The following NMT1 variants were observed in gnomAD, a reference collection of about 807,000 sequenced individuals.
NMT1 encodes the protein N-myristoyltransferase 1, also known as glycylpeptide N-tetradecanoyltransferase 1.
Under a neutral mutation model 63.4 loss-of-function variants are expected in NMT1, and 12 were observed. The ratio of observed to expected loss-of-function variants is 0.19; its 90% confidence interval spans 0.12 to 0.31. NMT1 has a LOEUF of 0.31. Among genes scored for constraint, NMT1 ranks in the 10% least tolerant of loss-of-function variants. The probability of loss-of-function intolerance (pLI) is 1.00; values close to 1 mark genes in which losing one functional copy is unlikely to be tolerated. For synonymous variants in NMT1, 228 were observed against 234.3 expected (o/e 0.97, Z 0.25); for missense variants, 432 against 634.6 (o/e 0.68, Z 3.43).
At chr17:45,073,811 C>T (rs1340074870) in intron 1 of NMT1, among the ~76,000 whole-genome samples, 1 of 152,202 alleles carries the variant, frequency 6.6e-6, no homozygotes, top group East Asian at 1.9e-4. Flanking sequence ...ACCAATTTGC[C>T]TCACATCTCT....
In NMT1 at chr17:45,105,858, C is replaced by T; in HGVS notation, c.*219C>T. The T allele has an allele frequency of 1.1e-5, 6 of 543,428 alleles. No homozygotes were observed. The highest frequency in any genetic ancestry group is 1.9e-5 in the Non-Finnish European group (6 of 311,160). The allele number at this position is 543,428 out of a possible 1,614,324, so 33.7% of individuals were successfully genotyped here. A position where few individuals can be genotyped will look rare whatever the true frequency, so the allele number is the denominator to read the frequency against. On this transcript the variant is annotated 3_prime_UTR_variant, in exon 12 of 12. Coordinates refer to ENST00000258960, the MANE Select transcript of NMT1 (RefSeq NM_021079.5). This position sits in a 1 kb window ranked among gnomAD's most constrained non-coding sequence, Gnocchi z 4.2. ...GTCGTGTCTCTGGTCTCCGTGTTTT[C>T]CAGTTAATTACATCCTCATGCAGCC...
intron 1 of NMT1, among the ~76,000 whole-genome samples, chr17:45,069,879 CAA>C (rs540316068): frequency 1.3e-4 from 15 of 117,736 alleles, no homozygotes; most frequent in East Asian, 2.4e-4. Context: ...GACTCCATCT[CAA>C]AAAAAAAAAA....
Position 45,104,306 on chromosome 17 carries a change from T to TGCCCA in NMT1, c.1332+444_1332+448dup, listed in dbSNP as rs368709421. On this transcript the variant is annotated intron_variant, in intron 10 of 11. Transcript: ENST00000258960. This position sits in a 1 kb window ranked among gnomAD's most constrained non-coding sequence, Gnocchi z 4.2. ...CTTTGCTGTGGGTTCTGGTAACCTG[T>TGCCCA]GCCCAGCCCAGCCCAGCCTGCTGTA... is the stretch of plus-strand genomic sequence containing the variant. 297 of 1,177,922 alleles carry TGCCCA rather than the reference T, an allele frequency of 2.5e-4. No homozygotes were observed. In the African/African-American group the frequency reaches 4.2e-3, roughly 17 times the overall value. The allele number at this position is 1,177,922 out of a possible 1,614,324, so 73.0% of individuals were successfully genotyped here.
chr17:45,074,879 C>T (rs2053967990), intron 1 of NMT1, among the ~76,000 whole-genome samples: 1 of 152,170 alleles, frequency 6.6e-6, no homozygotes, highest in South Asian at 2.1e-4. Flanking sequence ...GCAGCATGCC[C>T]TAGGATTCCC....
intron 1 of NMT1, among the ~76,000 whole-genome samples, chr17:45,068,342 C>G (rs1420713433): frequency 2.0e-5 from 3 of 152,108 alleles, no homozygotes; most frequent in African/African-American, 2.4e-5. Flanking sequence ...CGTGGTGGCA[C>G]ACACCTGTAG....
At chr17:45,081,623 A>C in intron 1 of NMT1, 21 bp from the exon 2 acceptor site, 3 of 1,593,606 alleles carry the variant, frequency 1.9e-6, no homozygotes, top group Non-Finnish European at 1.7e-6. Context: ...ACCCTGCATT[A>C]GTATTTACTT....
chr17:45,072,623 G>C (rs559361302), intron 1 of NMT1, among the ~76,000 whole-genome samples: 4 of 145,104 alleles, frequency 2.8e-5, no homozygotes, highest in Non-Finnish European at 6.0e-5. Flanking sequence ...GCAGTGGTGC[G>C]ATCTCAGCTC....
intron 7 of NMT1, chr17:45,098,814 G>A: frequency 2.3e-6 from 1 of 437,054 alleles, no homozygotes; most frequent in Non-Finnish European, 4.2e-6. Flanking sequence ...GATGGTGGGG[G>A]GCGGTACTGG....
intron 3 of NMT1, among the ~76,000 whole-genome samples, chr17:45,086,941 T>G (rs1202038119): frequency 6.6e-6 from 1 of 151,912 alleles, no homozygotes; most frequent in East Asian, 1.9e-4. Context: ...GGAGGATTGT[T>G]TGAGCCCAAA....
chr17:45,066,824 C>G (rs1428178414), intron 1 of NMT1, among the ~76,000 whole-genome samples: 2 of 147,114 alleles, frequency 1.4e-5, no homozygotes, highest in Non-Finnish European at 3.0e-5. Context: ...GCGATCCTCC[C>G]ACCTCAGCCT....
chr17:45,087,847 T>C (rs1204943587), intron 3 of NMT1, among the ~76,000 whole-genome samples: 1 of 152,022 alleles, frequency 6.6e-6, no homozygotes, highest in Non-Finnish European at 1.5e-5. Context: ...AAGGCAGCTG[T>C]GCCCAAGGAG....
chr17:45,107,029 A>G lies in NMT1; in HGVS notation c.*1390A>G, dbSNP rs535065893. ...GGCTTGGATGTAATTTTTGCTCTAG[A>G]GAGAAGCAAGTGGTGGGAAGGAGGT... On this transcript the variant is annotated 3_prime_UTR_variant, in exon 12 of 12. Transcript: ENST00000258960. 1 of 152,288 alleles carries G rather than the reference A, an allele frequency of 6.6e-6. No individual in the cohort carries two copies. Among genetic ancestry groups the G allele is most frequent in the African/African-American group, 2.4e-5 (1 of 41,566 alleles). The allele number at this position is 152,288 out of a possible 1,614,324, so 9.4% of individuals were successfully genotyped here.
chr17:45,104,906 C>T lies in NMT1; in HGVS notation c.1380C>T (p.Thr460=), dbSNP rs376284001. The T allele has an allele frequency of 6.2e-7, 1 of 1,614,074 alleles. No individual in the cohort carries two copies. The highest frequency in any genetic ancestry group is 1.3e-5 in the African/African-American group (1 of 74,928). The change falls in exon 11 of 12, where the codon ACC becomes ACT. Residue 460 remains threonine, a synonymous_variant. Transcript: ENST00000258960. The surrounding 1 kb of genome is among the most constrained non-coding windows in gnomAD (Gnocchi z 4.2). ...FNALDLMENK[T]FLEKLKFGIG... ...CACTGGATCTCATGGAGAACAAAAC[C>T]TTCCTGGAGAAGCTCAAGTTTGGCA...
chr17:45,082,707 T>C (rs2054024560), intron 2 of NMT1, among the ~76,000 whole-genome samples: 2 of 152,198 alleles, frequency 1.3e-5, no homozygotes, highest in Admixed American at 1.3e-4. Flanking sequence ...AACATATTCA[T>C]AATTCACCTT....
At chr17:45,079,359 C>T (rs1481732915) in intron 1 of NMT1, among the ~76,000 whole-genome samples, 1 of 152,152 alleles carries the variant, frequency 6.6e-6, no homozygotes, top group Non-Finnish European at 1.5e-5. Context: ...GCCGCGGCTT[C>T]CCAAAGTGCT....
intron 1 of NMT1, among the ~76,000 whole-genome samples, chr17:45,076,226 T>C (rs1204315566): frequency 1.3e-5 from 2 of 152,072 alleles, no homozygotes. Flanking sequence ...CTAGGATGCT[T>C]TTTGAAGTTC....
intron 5 of NMT1, among the ~76,000 whole-genome samples, chr17:45,096,607 A>G (rs142826665): frequency 1.1e-3 from 166 of 152,372 alleles, no homozygotes; most frequent in Admixed American, 3.2e-3. Context: ...CACATTTTCT[A>G]TCTAGTTCCT....
At chr17:45,081,817 A>G in intron 2 of NMT1, 65 bp downstream of exon 2, 1 of 1,226,002 alleles carries the variant, frequency 8.2e-7, no homozygotes, top group South Asian at 1.4e-5. Flanking sequence ...TTTGAGGTGA[A>G]TGTATAGGAT....
intron 2 of NMT1, chr17:45,083,800 A>G (rs1359776044): frequency 6.6e-6 from 1 of 152,116 alleles, no homozygotes; most frequent in Admixed American, 6.6e-5. Context: ...ATTTGTAGAC[A>G]TGGGGTCTCC....
Sources: gnomAD v4.1 joint callset for allele counts (sites outside exome capture counted in the v4.1 genomes callset) on GRCh38, gnomAD v4.1.1 for gene constraint, Gnocchi (gnomAD v3.1) non-coding constraint, MANE v1.5 for transcripts, NCBI Gene and HGNC (gene_info 2026-07-23, HGNC 2026-07-21) for gene names.